PACS1: variants seen among roughly 807,000 people sequenced by gnomAD.
PACS1 encodes the protein PACS-1.
A neutral mutation model predicts 115.0 loss-of-function variants in PACS1; 24 were observed. The observed-to-expected ratio is 0.21, with a 90% CI of 0.15 to 0.29. PACS1 has a LOEUF of 0.29. Ranked by LOEUF, PACS1 falls within the 10% of genes least tolerant of loss-of-function variation. The probability of loss-of-function intolerance (pLI) is 1.00; values close to 1 mark genes in which losing one functional copy is unlikely to be tolerated. For missense variants in PACS1, 838 were observed against 1,251.2 expected (o/e 0.67, Z 4.98); for synonymous variants, 453 against 504.5 (o/e 0.90, Z 1.37).
intron 1 of PACS1, among the ~76,000 whole-genome samples, chr11:66,167,195 G>A (rs775292144): frequency 2.7e-5 from 4 of 150,054 alleles, no homozygotes; most frequent in Non-Finnish European, 5.9e-5. Flanking sequence ...TTCCTCTTCC[G>A]GAAACATGGA....
intron 1 of PACS1, among the ~76,000 whole-genome samples, chr11:66,151,762 T>C (rs1859246676): frequency 6.6e-6 from 1 of 152,076 alleles, no homozygotes; most frequent in Non-Finnish European, 1.5e-5. Context: ...CAGTAGAGAC[T>C]GACTCTGAGC....
chr11:66,166,653 C>G (rs1368190777), intron 1 of PACS1, among the ~76,000 whole-genome samples: 1 of 150,654 alleles, frequency 6.6e-6, no homozygotes, highest in Admixed American at 6.6e-5. Flanking sequence ...TCTTCTGCAG[C>G]TTAAGCTTAG....
intron 1 of PACS1, among the ~76,000 whole-genome samples, chr11:66,119,651 A>G (rs1297840844): frequency 6.6e-6 from 1 of 152,242 alleles, no homozygotes; most frequent in Non-Finnish European, 1.5e-5. Flanking sequence ...GTGCACAGGC[A>G]CAGGCATTTG....
chr11:66,241,899 G>T (rs1855822504), intron 22 of PACS1, among the ~76,000 whole-genome samples: 1 of 152,168 alleles, frequency 6.6e-6, no homozygotes, highest in Non-Finnish European at 1.5e-5. Context: ...TACTTTAGGG[G>T]CTGAGGCAGC....
intron 1 of PACS1, among the ~76,000 whole-genome samples, chr11:66,085,665 G>A (rs1213403569): frequency 6.6e-6 from 1 of 152,184 alleles, no homozygotes; most frequent in Non-Finnish European, 1.5e-5. Flanking sequence ...ACAATAGACT[G>A]ATGGTTTGTA....
Position 66,193,106 on chromosome 11 carries a change from T to A in PACS1, c.357-380T>A, listed in dbSNP as rs573107371. 3.8e-4 allele frequency among the ~76,000 whole-genome samples: 58 copies of A among 152,318 alleles called. 1 individual carries two copies. The highest frequency in any genetic ancestry group is 1.3e-3 in the African/African-American group (56 of 41,574). On this transcript the variant is annotated intron_variant, in intron 1 of 23. Coordinates refer to ENST00000320580, the MANE Select transcript of PACS1 (RefSeq NM_018026.4). ...CCCCTCAGAAATGGCTCCAACATAC[T>A]AGGCATGGAGAATATTTTGCCTTTG...
At chr11:66,127,968 G>A (rs1368430754) in intron 1 of PACS1, among the ~76,000 whole-genome samples, 3 of 152,182 alleles carry the variant, frequency 2.0e-5, no homozygotes, top group East Asian at 1.9e-4. Context: ...TAGGAAATAC[G>A]AGGGATGGAG....
intron 1 of PACS1, among the ~76,000 whole-genome samples, chr11:66,172,323 G>T (rs531688362): frequency 2.6e-5 from 4 of 152,328 alleles, no homozygotes; most frequent in African/African-American, 9.6e-5. Context: ...GGGCTGACCT[G>T]TGTAAGCATT....
chr11:66,127,964 A>G (rs111642482), intron 1 of PACS1, among the ~76,000 whole-genome samples: 37 of 152,348 alleles, frequency 2.4e-4, no homozygotes, highest in African/African-American at 8.7e-4. Flanking sequence ...TTTATAGGAA[A>G]TACGAGGGAT....
At chr11:66,130,349 G>A (rs1340712273) in intron 1 of PACS1, among the ~76,000 whole-genome samples, 1 of 152,020 alleles carries the variant, frequency 6.6e-6, no homozygotes, top group Non-Finnish European at 1.5e-5. Context: ...TGAAGCAGAA[G>A]GAAACTTCCT....
At chr11:66,112,452 C>T (rs1420603629) in intron 1 of PACS1, among the ~76,000 whole-genome samples, 1 of 152,238 alleles carries the variant, frequency 6.6e-6, no homozygotes, top group African/African-American at 2.4e-5. Flanking sequence ...CGCAGACAGG[C>T]CTTCCCTCGC....
At chr11:66,218,963 G>A (rs1855276671) in intron 7 of PACS1, among the ~76,000 whole-genome samples, 1 of 152,070 alleles carries the variant, frequency 6.6e-6, no homozygotes, top group Non-Finnish European at 1.5e-5. Context: ...CAAATAGAGA[G>A]ATAAGGCTAG....
intron 1 of PACS1, among the ~76,000 whole-genome samples, chr11:66,121,790 G>A (rs928359597): frequency 2.6e-5 from 4 of 152,164 alleles, no homozygotes; most frequent in African/African-American, 4.8e-5. Flanking sequence ...GGAAGCTGCA[G>A]GAGAAAAGTT....
chr11:66,172,692 A>G (rs1408921896), intron 1 of PACS1, among the ~76,000 whole-genome samples: 1 of 152,116 alleles, frequency 6.6e-6, no homozygotes, highest in East Asian at 1.9e-4. Flanking sequence ...GAGATAATAA[A>G]TGTGTTTTGC....
chr11:66,189,140 G>GCCT (rs1233181097), intron 1 of PACS1, among the ~76,000 whole-genome samples: 1 of 152,150 alleles, frequency 6.6e-6, no homozygotes, highest in Non-Finnish European at 1.5e-5. Flanking sequence ...GATACTGAAT[G>GCCT]AGGGATAAAC....
intron 1 of PACS1, among the ~76,000 whole-genome samples, chr11:66,169,618 T>C (rs1590793481): frequency 7.2e-6 from 1 of 139,710 alleles, no homozygotes; most frequent in African/African-American, 2.8e-5. Flanking sequence ...TCATTCACCA[T>C]GTTGGCCAGG....
chr11:66,140,829 A>G (rs747370369), intron 1 of PACS1, among the ~76,000 whole-genome samples: 2 of 152,136 alleles, frequency 1.3e-5, no homozygotes, highest in Non-Finnish European at 2.9e-5. Context: ...TTAACATACT[A>G]TGGACATTGT....
chr11:66,161,876 G>A (rs1176467694), intron 1 of PACS1, among the ~76,000 whole-genome samples: 1 of 152,096 alleles, frequency 6.6e-6, no homozygotes, highest in Non-Finnish European at 1.5e-5. Context: ...TCCACAGTCA[G>A]GTTGGATTCC....
At chr11:66,173,097 T>TG (rs1364998132) in intron 1 of PACS1, among the ~76,000 whole-genome samples, 2 of 150,636 alleles carry the variant, frequency 1.3e-5, no homozygotes, top group East Asian at 3.9e-4. Flanking sequence ...TTTGGTTTTT[T>TG]TTTTTTGTTT....
Sources: allele counts gnomAD v4.1 joint callset (sites outside exome capture counted in the v4.1 genomes callset), GRCh38; gene constraint gnomAD v4.1.1; transcripts MANE v1.5; gene names NCBI Gene and HGNC (gene_info 2026-07-23, HGNC 2026-07-21).